GDPD4: variants seen among roughly 807,000 people sequenced by gnomAD.
The protein encoded by GDPD4 is glycerophosphodiester phosphodiesterase domain containing 4, also known as glycerophosphodiester phosphodiesterase 6.
Under a neutral mutation model 67.8 loss-of-function variants are expected in GDPD4, and 60 were observed. That is an observed-to-expected ratio of 0.88 (90% CI 0.72 to 1.10). The LOEUF (loss-of-function observed/expected upper bound fraction) is 1.10, where lower values mean the gene tolerates loss of function less well. GDPD4 is among the 50% of genes least tolerant of loss of function. The probability of loss-of-function intolerance (pLI) is 0.00; values close to 1 mark genes in which losing one functional copy is unlikely to be tolerated. For synonymous variants in GDPD4, 212 were observed against 210.9 expected (o/e 1.00, Z -0.04); for missense variants, 623 against 613.9 (o/e 1.01, Z -0.16).
chr11:77,276,325 C>T, intron 4 of GDPD4, 105 bp from the exon 5 acceptor site: 1 of 843,700 alleles, frequency 1.2e-6, no homozygotes, highest in Non-Finnish European at 2.0e-6. Context: ...TAGCAGTACA[C>T]TCATTTCTTG....
intron 3 of GDPD4, among the ~76,000 whole-genome samples, chr11:77,281,379 C>G (rs1446086602): frequency 6.6e-6 from 1 of 152,014 alleles, no homozygotes; most frequent in Admixed American, 6.5e-5. Flanking sequence ...CCCTAGGAAC[C>G]CTCGCACAGT....
chr11:77,221,121 G>C (rs1419458540), intron 16 of GDPD4, among the ~76,000 whole-genome samples: 1 of 151,694 alleles, frequency 6.6e-6, no homozygotes, highest in Admixed American at 6.6e-5. Flanking sequence ...TTTTTTTATT[G>C]CATCTAATTG....
intron 13 of GDPD4, among the ~76,000 whole-genome samples, chr11:77,239,695 C>T (rs1958628329): frequency 6.6e-6 from 1 of 152,092 alleles, no homozygotes; most frequent in African/African-American, 2.4e-5. Context: ...TGCGGTGGCT[C>T]ACACCTTATA....
intron 11 of GDPD4, among the ~76,000 whole-genome samples, chr11:77,248,051 CAAAAAAA>C (rs34252021): frequency 6.4e-5 from 4 of 62,712 alleles, no homozygotes; most frequent in African/African-American, 3.2e-4. Context: ...AACTCCGTCT[CAAAAAAA>C]AAAAAAAAAA....
At chr11:77,285,280 C>T in intron 2 of GDPD4, 93 bp from the exon 3 acceptor site, 1 of 651,122 alleles carries the variant, frequency 1.5e-6, no homozygotes, top group Non-Finnish European at 2.7e-6. Flanking sequence ...AGCATAGTTG[C>T]ACTGCCATGC....
At chr11:77,242,732 A>G (rs1308746767) in intron 13 of GDPD4, among the ~76,000 whole-genome samples, 1 of 152,154 alleles carries the variant, frequency 6.6e-6, no homozygotes, top group East Asian at 1.9e-4. Context: ...TCAAAATAGA[A>G]GAGTAGTTGA....
chr11:77,299,540 T>G (rs897943995), intron 1 of GDPD4, among the ~76,000 whole-genome samples: 1 of 152,220 alleles, frequency 6.6e-6, no homozygotes, highest in African/African-American at 2.4e-5. Flanking sequence ...CAGTAAGAGT[T>G]TATTGCTCAC....
intron 5 of GDPD4, among the ~76,000 whole-genome samples, chr11:77,275,426 G>C (rs957797763): frequency 6.6e-6 from 1 of 152,128 alleles, no homozygotes; most frequent in Non-Finnish European, 1.5e-5. Context: ...CCAAGACGGG[G>C]TAAAAAGGAC....
intron 14 of GDPD4, among the ~76,000 whole-genome samples, chr11:77,229,750 G>A (rs1312180601): frequency 6.6e-6 from 1 of 152,172 alleles, no homozygotes; most frequent in Admixed American, 6.5e-5. Flanking sequence ...CAGCATTTGG[G>A]AACCATTGTT....
At chr11:77,291,999 C>T (rs1199532046) in intron 1 of GDPD4, among the ~76,000 whole-genome samples, 1 of 152,090 alleles carries the variant, frequency 6.6e-6, no homozygotes, top group African/African-American at 2.4e-5. Flanking sequence ...CATTGCACTC[C>T]AGCCTGGGCA....
intron 11 of GDPD4, among the ~76,000 whole-genome samples, chr11:77,253,990 T>A (rs556520952): frequency 6.6e-6 from 1 of 151,964 alleles, no homozygotes; most frequent in African/African-American, 2.4e-5. Context: ...GGCCTGGGGA[T>A]GTTAGGCCAC....
Position 77,243,701 on chromosome 11 carries a change from CA to C in GDPD4, c.1233del (p.Asn411LysfsTer3). Reference protein sequence around the residue: ...INVDYKKLFPNGLRDYKAANI... With the variant: ...INVDYKKLFPXGLRDYKAANI... ...GTGTGGTCAAACACTTACCTTAACCCATTAGGGAACAACTTCTTGTAGTCAA... is the reference window on the plus strand; with the variant it reads ...GTGTGGTCAAACACTTACCTTAACCCTTAGGGAACAACTTCTTGTAGTCAA... On this transcript the variant is annotated frameshift_variant, in exon 13 of 17. Transcript: ENST00000315938. LOFTEE classifies it high-confidence loss of function. 6.2e-7 allele frequency: 1 copy of C among 1,612,098 alleles called. No individual in the cohort carries two copies. The highest frequency in any genetic ancestry group is 8.5e-7 in the Non-Finnish European group (1 of 1,178,212).
At position 77,243,965 on chromosome 11, in the gene GDPD4, G is replaced by C. The variant is rs368128019; in HGVS notation, c.1087-117C>G. ...CAGGTAGTATTCTACAGAGAGTAGA[G>C]AGAGAGAGTCTAGTCCTTGGTGAAA... is the stretch of plus-strand genomic sequence containing the variant. On this transcript the variant is annotated intron_variant, in intron 12 of 16. Coordinates refer to ENST00000315938, the MANE Select transcript of GDPD4 (RefSeq NM_182833.3). 6.1e-5 allele frequency: 41 copies of C among 676,128 alleles called. No homozygotes were observed. The African/African-American group carries it at 6.6e-4, about 11-fold the overall frequency. 41.9% of individuals were successfully genotyped at this position (676,128 alleles called of 1,614,324 possible).
At chr11:77,279,701 G>A (rs749245679) in intron 3 of GDPD4, among the ~76,000 whole-genome samples, 23 of 151,876 alleles carry the variant, frequency 1.5e-4, no homozygotes, top group Non-Finnish European at 2.1e-4. Flanking sequence ...TGGGAATACC[G>A]GAAGAGAAAC....
intron 16 of GDPD4, among the ~76,000 whole-genome samples, chr11:77,218,589 T>G (rs1369564918): frequency 6.6e-6 from 1 of 152,222 alleles, no homozygotes; most frequent in Admixed American, 6.5e-5. Context: ...CTGCCCTGTA[T>G]GCAAGTGTTC....
At chr11:77,277,837 A>G (rs1959560701) in intron 4 of GDPD4, among the ~76,000 whole-genome samples, 1 of 151,456 alleles carries the variant, frequency 6.6e-6, no homozygotes, top group African/African-American at 2.4e-5. Flanking sequence ...TAGGATGTCA[A>G]TTTTAGATCT....
rs189601953 is a variant in GDPD4, at chr11:77,296,568, G to A, written c.-254+5037C>T. Among the ~76,000 whole-genome samples, 1,290 of 151,228 alleles carry A rather than the reference G, an allele frequency of 8.5e-3. 29 individuals are homozygous for A. The highest frequency in any genetic ancestry group is 0.03 in the African/African-American group (1,226 of 41,304). ...AACTCCTGACCTCAAGTAACTGCCC[G>A]CCTTGGCCTCCCAAAGTGCTGGGAT... On this transcript the variant is annotated intron_variant, in intron 1 of 16. Transcript: ENST00000315938.
chr11:77,268,250 T>G (rs775366680), intron 10 of GDPD4, among the ~76,000 whole-genome samples: 1 of 152,064 alleles, frequency 6.6e-6, no homozygotes, highest in Non-Finnish European at 1.5e-5. Flanking sequence ...TGTGTCTGAT[T>G]TGTAACCCTG....
intron 11 of GDPD4, among the ~76,000 whole-genome samples, chr11:77,250,354 C>T (rs1958866199): frequency 6.6e-6 from 1 of 152,130 alleles, no homozygotes; most frequent in African/African-American, 2.4e-5. Flanking sequence ...GTTTTCTGAG[C>T]CTGTATTAAT....
Sources: gnomAD v4.1 joint callset for allele counts (sites outside exome capture counted in the v4.1 genomes callset) on GRCh38, gnomAD v4.1.1 for gene constraint, MANE v1.5 for transcripts, NCBI Gene and HGNC (gene_info 2026-07-23, HGNC 2026-07-21) for gene names.